The following TRIO variants were observed in gnomAD, a reference collection of about 807,000 sequenced individuals.
TRIO encodes triple functional domain protein.
A neutral mutation model predicts 351.9 loss-of-function variants in TRIO; 58 were observed. The observed-to-expected ratio is 0.16, with a 90% CI of 0.13 to 0.21. TRIO has a LOEUF of 0.21. TRIO is among the 10% of genes least tolerant of loss of function. The pLI, the probability that TRIO is intolerant of heterozygous loss-of-function variation, is 1.00. For synonymous variants in TRIO, 1,758 were observed against 1,595.7 expected, an observed-to-expected ratio of 1.10 and a Z score of -2.42; for missense variants, 3,201 against 4,027.8, an observed-to-expected ratio of 0.79 and a Z score of 5.56.
chr5:14,250,253 T>C (rs1794660905), intron 1 of TRIO, among the ~76,000 whole-genome samples: 1 of 152,212 alleles, frequency 6.6e-6, no homozygotes, highest in Non-Finnish European at 1.5e-5. Flanking sequence ...CGTCACTGTC[T>C]TGACGATACC....
chr5:14,342,798 T>C (rs1742056975), intron 11 of TRIO, among the ~76,000 whole-genome samples: 1 of 152,232 alleles, frequency 6.6e-6, no homozygotes, highest in African/African-American at 2.4e-5. Context: ...CACATGCTTC[T>C]TAACTTAGGG....
intron 15 of TRIO, 119 bp downstream of exon 15, chr5:14,364,935 T>A: frequency 1.6e-6 from 2 of 1,286,260 alleles, no homozygotes; most frequent in Non-Finnish European, 2.1e-6. Flanking sequence ...GAACACAGCT[T>A]TCCTGATATG....
chr5:14,398,983 C>A lies in TRIO; in HGVS notation c.4527C>A (p.Leu1509=). 1 of 1,614,130 alleles carries A rather than the reference C, an allele frequency of 6.2e-7. No homozygotes were observed. The highest frequency in any genetic ancestry group is 1.3e-5 in the African/African-American group (1 of 75,054). Reference sequence around the variant, plus strand: ...TTCGAAAGGGTCGAGAACGGCATCTCTTCCTTTTTGAAATGTCCTTAGTAT... The same window carrying A: ...TTCGAAAGGGTCGAGAACGGCATCTATTCCTTTTTGAAATGTCCTTAGTAT... ...TLIRKGRERH[L]FLFEMSLVFS... The change falls in exon 30 of 57, where the codon CTC becomes CTA. Residue 1509 remains leucine (L), a synonymous_variant. Coordinates refer to ENST00000344204, the MANE Select transcript of TRIO (RefSeq NM_007118.4).
At chr5:14,329,479 C>G (rs1740705885) in intron 9 of TRIO, among the ~76,000 whole-genome samples, 1 of 152,198 alleles carries the variant, frequency 6.6e-6, no homozygotes, top group South Asian at 2.1e-4. Context: ...CAACGAGGAA[C>G]AAGCCTTCAC....
chr5:14,466,857 A>T (rs1754296854), intron 37 of TRIO, among the ~76,000 whole-genome samples: 1 of 152,208 alleles, frequency 6.6e-6, no homozygotes, highest in South Asian at 2.1e-4. Context: ...CATACAGATT[A>T]CCTCTTTCCT....
intron 1 of TRIO, among the ~76,000 whole-genome samples, chr5:14,217,866 A>G (rs554875073): frequency 1.3e-5 from 2 of 152,336 alleles, no homozygotes; most frequent in Admixed American, 1.3e-4. Context: ...GTTATAGGAA[A>G]GTGTCTCTGT....
intron 4 of TRIO, 69 bp downstream of exon 4, chr5:14,287,132 A>G: frequency 6.7e-7 from 1 of 1,493,366 alleles, no homozygotes; most frequent in South Asian, 1.3e-5. Context: ...ATTGAGGCTA[A>G]TGAGAGATTT....
chr5:14,397,265 G>A, intron 29 of TRIO, 111 bp downstream of exon 29: 1 of 776,126 alleles, frequency 1.3e-6, no homozygotes, highest in Admixed American at 3.0e-5. Context: ...TATGTTAGTG[G>A]TTAAGAACAT....
At chr5:14,389,476 C>G in intron 25 of TRIO, 78 bp downstream of exon 25, 1 of 1,033,300 alleles carries the variant, frequency 9.7e-7, no homozygotes, top group Admixed American at 2.5e-5. Flanking sequence ...TGAACCATTC[C>G]CATTGAATTA....
Position 14,337,495 on chromosome 5 carries a change from T to C in TRIO, c.2046+768T>C, listed in dbSNP as rs563100742. Among the ~76,000 whole-genome samples the C allele has an allele frequency of 3.3e-5, 5 of 152,306 alleles. 1 individual carries two copies. Among genetic ancestry groups the C allele is most frequent in the African/African-American group, 9.6e-5 (4 of 41,554 alleles). ...GACCTTCACAGAGGATCGTAACTTA[T>C]TCAGATGCAGCTCTTGATGAACTGG... On this transcript the variant is annotated intron_variant, in intron 11 of 56. Transcript: ENST00000344204.
chr5:14,299,595 T>C (rs1737680698), intron 7 of TRIO, among the ~76,000 whole-genome samples: 1 of 152,236 alleles, frequency 6.6e-6, no homozygotes, highest in South Asian at 2.1e-4. Flanking sequence ...AAAGTAGTTT[T>C]CTTTTCCCAA....
At chr5:14,333,071 A>G (rs1045909063) in intron 10 of TRIO, among the ~76,000 whole-genome samples, 3 of 152,174 alleles carry the variant, frequency 2.0e-5, no homozygotes, top group Non-Finnish European at 4.4e-5. Flanking sequence ...GTGGAAAATA[A>G]TGAGACTTGG....
At chr5:14,334,744 G>T (rs977722837) in intron 10 of TRIO, among the ~76,000 whole-genome samples, 2 of 152,376 alleles carry the variant, frequency 1.3e-5, no homozygotes, top group East Asian at 3.9e-4. Context: ...GTGACGCTCA[G>T]CTGGGGGTAA....
chr5:14,183,140 G>A (rs1033079952), intron 1 of TRIO, among the ~76,000 whole-genome samples: 1 of 152,094 alleles, frequency 6.6e-6, no homozygotes, highest in Non-Finnish European at 1.5e-5. Flanking sequence ...GGCCTCCTGG[G>A]GCTAACTCCT....
At chr5:14,427,135 C>G (rs16903508) in intron 34 of TRIO, among the ~76,000 whole-genome samples, 4 of 152,100 alleles carry the variant, frequency 2.6e-5, no homozygotes, top group African/African-American at 4.8e-5. Flanking sequence ...CATCAACACC[C>G]AGATGACCGT....
At chr5:14,505,811 C>T (rs909598754) in intron 55 of TRIO, among the ~76,000 whole-genome samples, 5 of 152,288 alleles carry the variant, frequency 3.3e-5, no homozygotes, top group Admixed American at 6.5e-5. Context: ...CACATGGGGA[C>T]GTGCTTCCAG....
intron 3 of TRIO, among the ~76,000 whole-genome samples, chr5:14,281,145 T>C (rs1048521896): frequency 1.3e-5 from 2 of 152,204 alleles, no homozygotes; most frequent in African/African-American, 4.8e-5. Context: ...TTCCTCCCTA[T>C]ATTAATGTAT....
intron 49 of TRIO, 57 bp downstream of exon 49, chr5:14,492,871 C>T: frequency 6.3e-7 from 1 of 1,592,858 alleles, no homozygotes; most frequent in African/African-American, 1.3e-5. Flanking sequence ...GGGCACAGCA[C>T]CCGTGAGGCA....
intron 37 of TRIO, 26 bp from the exon 38 acceptor site, chr5:14,471,292 T>G (rs749580787): frequency 6.2e-7 from 1 of 1,612,012 alleles, no homozygotes. Flanking sequence ...GCAGTAAGTG[T>G]TGTTGATTAT....
Sources: gnomAD v4.1 joint callset for allele counts (sites outside exome capture counted in the v4.1 genomes callset) on GRCh38, gnomAD v4.1.1 for gene constraint, MANE v1.5 for transcripts, NCBI Gene and HGNC (gene_info 2026-07-23, HGNC 2026-07-21) for gene names.